The following FBN2 variants were observed in gnomAD, a reference collection of about 807,000 sequenced individuals.
FBN2 encodes the protein fibrillin 2.
FBN2 carries 105 observed loss-of-function variants against 355.6 expected under a neutral mutation model. The ratio of observed to expected loss-of-function variants is 0.30; its 90% CI spans 0.25 to 0.35. The LOEUF (loss-of-function observed/expected upper bound fraction) is 0.35, where lower values mean the gene tolerates loss of function less well. FBN2 is among the 10% of genes least tolerant of loss of function. The pLI, the probability that FBN2 is intolerant of heterozygous loss-of-function variation, is 1.00. For missense variants in FBN2, 3,280 were observed against 3,758.7 expected, an observed-to-expected ratio of 0.87 and a Z score of 3.33; for synonymous variants, 1,350 against 1,301.2, an observed-to-expected ratio of 1.04 and a Z score of -0.81.
intron 59 of FBN2, among the ~76,000 whole-genome samples, chr5:128,275,585 AT>A (rs1765373497): frequency 6.6e-6 from 1 of 152,118 alleles, no homozygotes; most frequent in Non-Finnish European, 1.5e-5. Context: ...TATTGAAACT[AT>A]TTTAATGATC....
intron 4 of FBN2, 138 bp downstream of exon 4, chr5:128,527,734 G>T: frequency 1.5e-6 from 1 of 647,444 alleles, no homozygotes. Context: ...ATAAAAATTA[G>T]AAATTCAGTT....
chr5:128,310,382 ATATATATATATATATATATAT>A (rs1180620720), intron 39 of FBN2, among the ~76,000 whole-genome samples: 1 of 12,780 alleles, frequency 7.8e-5, no homozygotes, highest in South Asian at 2.7e-3. Flanking sequence ...ATATATATAT[ATATATATATATATATATATAT>A]TTTTTTTTTT....
At chr5:128,326,644 A>G (rs966543581) in intron 34 of FBN2, among the ~76,000 whole-genome samples, 3 of 152,238 alleles carry the variant, frequency 2.0e-5, no homozygotes, top group Non-Finnish European at 2.9e-5. Context: ...GAAACTGTCC[A>G]GATGACCCAG....
chr5:128,278,631 T>C lies in FBN2; in HGVS notation c.7345+4A>G, dbSNP rs766046658. On this transcript the variant is annotated splice_donor_region_variant and intron_variant, in intron 57 of 64. Coordinates refer to ENST00000262464, the MANE Select transcript of FBN2 (RefSeq NM_001999.4). ...TATATGAATAAATTTCCTCAACTCC[T>C]TACCTCTTCCATCAGTTGTATATCC... 1 of 1,613,186 alleles carries C rather than the reference T, an allele frequency of 6.2e-7. No individual in the cohort carries two copies. Among genetic ancestry groups the C allele is most frequent in the Non-Finnish European group, 8.5e-7 (1 of 1,179,126 alleles).
rs370312107 is a variant in FBN2 at position 128,350,940 on chromosome 5, C to T, written c.2740G>A (p.Ala914Thr). ...GCACAGCATTCAGATTTCAGAGTGG[C>T]TCCATTAATATTCACCTCACAGCGG... ...DSRCEVNINGATLKSECCATL... is the reference protein window; with the variant it reads ...DSRCEVNINGTTLKSECCATL... Residue 914 changes from alanine (A) to threonine (T), a missense_variant, in exon 21 of 65, where the codon GCC becomes ACC. Physicochemically the swap from Ala to Thr is moderately conservative, Grantham distance 58. Around this residue, in one of 6 missense-constraint regions of FBN2, gnomAD observed 2,284 missense variants for 2,749.5 expected, o/e 0.83. Coordinates refer to ENST00000262464, the MANE Select transcript of FBN2 (RefSeq NM_001999.4). The T allele has an allele frequency of 2.3e-5, 37 of 1,614,040 alleles. No individual in the cohort carries two copies. The highest frequency in any genetic ancestry group is 2.9e-5 in the Non-Finnish European group (34 of 1,180,036).
At chr5:128,372,017 A>T (rs900301480) in intron 15 of FBN2, among the ~76,000 whole-genome samples, 5 of 152,184 alleles carry the variant, frequency 3.3e-5, no homozygotes, top group Non-Finnish European at 5.9e-5. Context: ...TAGATATGAT[A>T]CCACTATTCT....
At chr5:128,384,537 T>A (rs1437543929) in intron 11 of FBN2, among the ~76,000 whole-genome samples, 2 of 152,164 alleles carry the variant, frequency 1.3e-5, no homozygotes, top group African/African-American at 4.8e-5. Context: ...TATGGTCTTG[T>A]CTTCTTGGGC....
intron 58 of FBN2, among the ~76,000 whole-genome samples, chr5:128,277,529 A>C (rs1249644974): frequency 6.6e-6 from 1 of 152,218 alleles, no homozygotes; most frequent in Non-Finnish European, 1.5e-5. Context: ...TGTGCACTTT[A>C]AATTTTAAAT....
rs863223561 is a variant in FBN2, at chr5:128,345,517, C to G, written c.3057G>C (p.Lys1019Asn). Residue 1019 changes from lysine to asparagine, a missense_variant, in exon 24 of 65, where the codon AAG becomes AAC. Physicochemically the swap from Lys to Asn is moderately conservative, Grantham distance 94. Around this residue, in one of 6 missense-constraint regions of FBN2, gnomAD observed 2,284 missense variants for 2,749.5 expected, o/e 0.83. Transcript: ENST00000262464. ...CACAGCAGCAGGCATCCATGCGGAA[C>G]TTTCCAGGAACGGGGTGGATGCATT... ...EDECIHPVPG[K>N]FRMDACCCAV... is the part of the protein sequence containing the mutation. 4 of 1,614,222 alleles carry G rather than the reference C, an allele frequency of 2.5e-6. No individual in the cohort carries two copies. The highest frequency in any genetic ancestry group is 3.4e-6 in the Non-Finnish European group (4 of 1,180,040).
At position 128,338,056 on chromosome 5, in the gene FBN2, C is replaced by G. The variant is rs747553118; in HGVS notation, c.3539G>C (p.Ser1180Thr). ...RGGTCVNTEGSFQCDCPLGHE... is the reference protein window; with the variant it reads ...RGGTCVNTEGTFQCDCPLGHE... The stretch of plus-strand genomic sequence containing the variant: ...TCCCAGTGGGCAGTCACACTGAAAG[C>G]TGCCCTCAGTGTTCACACAGGTGCC... Residue 1180 changes from serine to threonine, a missense_variant, in exon 27 of 65, where the codon AGC (serine) becomes ACC (threonine). Physicochemically the swap from Ser to Thr is moderately conservative, Grantham distance 58. Transcript: ENST00000262464. 17 of 1,614,132 alleles carry G rather than the reference C, an allele frequency of 1.1e-5. No homozygotes were observed. In the South Asian group the frequency reaches 1.4e-4, roughly 14 times the overall value.
chr5:128,307,330 T>C (rs957125669), intron 41 of FBN2, 127 bp from the exon 42 acceptor site: 1 of 702,516 alleles, frequency 1.4e-6, no homozygotes, highest in Non-Finnish European at 2.6e-6. Flanking sequence ...ATTTCAATTA[T>C]ATTTATTTGA....
At chr5:128,515,571 G>C (rs887579994) in intron 5 of FBN2, among the ~76,000 whole-genome samples, 1 of 152,104 alleles carries the variant, frequency 6.6e-6, no homozygotes, top group East Asian at 1.9e-4. Context: ...CTGGGTTCAC[G>C]CATTAGGTCT....
chr5:128,424,853 A>T (rs930160066), intron 7 of FBN2, among the ~76,000 whole-genome samples: 4 of 152,190 alleles, frequency 2.6e-5, no homozygotes, highest in African/African-American at 7.2e-5. Context: ...TTTTAACATT[A>T]TAACAGTCTG....
At chr5:128,515,426 A>G (rs1223625481) in intron 5 of FBN2, among the ~76,000 whole-genome samples, 1 of 152,138 alleles carries the variant, frequency 6.6e-6, no homozygotes, top group East Asian at 1.9e-4. Context: ...ACAGCAGCAG[A>G]ATAATGCAGA....
chr5:128,392,425 T>A (rs2126977793), intron 10 of FBN2, among the ~76,000 whole-genome samples: 2 of 152,342 alleles, frequency 1.3e-5, no homozygotes, highest in East Asian at 3.9e-4. Context: ...TACGTTTGAG[T>A]GCTTTCCGTT....
At chr5:128,445,776 C>G (rs145918006) in intron 7 of FBN2, among the ~76,000 whole-genome samples, 1 of 152,030 alleles carries the variant, frequency 6.6e-6, no homozygotes, top group Admixed American at 6.6e-5. Context: ...ATCATTGAAG[C>G]CACATGCACT....
Position 128,312,787 on chromosome 5 carries a change from C to A in FBN2, c.4726G>T (p.Val1576Leu), listed in dbSNP as rs1428775284. Residue 1576 changes from valine (V) to leucine (L), a missense_variant, in exon 37 of 65, where the codon GTG becomes TTG. Around this residue, in one of 6 missense-constraint regions of FBN2, gnomAD observed 2,284 missense variants for 2,749.5 expected, o/e 0.83. Transcript: ENST00000262464. ...CCAAACTTCAGGTAGCAGTTGCCCACACGGTTGTCTGCAGAGCAACAAAGG... is the reference window on the plus strand; with the variant it reads ...CCAAACTTCAGGTAGCAGTTGCCCAAACGGTTGTCTGCAGAGCAACAAAGG... The part of the protein sequence containing the change: ...PTGVGCVDNR[V>L]GNCYLKFGPR... 2 of 1,613,708 alleles carry A rather than the reference C, an allele frequency of 1.2e-6. No individual in the cohort carries two copies. Among genetic ancestry groups the A allele is most frequent in the Non-Finnish European group, 1.7e-6 (2 of 1,180,002 alleles).
chr5:128,488,609 T>C (rs1333191604), intron 5 of FBN2, among the ~76,000 whole-genome samples: 1 of 152,112 alleles, frequency 6.6e-6, no homozygotes, highest in African/African-American at 2.4e-5. Context: ...CATTAACTCG[T>C]CATTTAGCAT....
At chr5:128,291,452 A>T in intron 49 of FBN2, 77 bp downstream of exon 49, 2 of 1,520,164 alleles carry the variant, frequency 1.3e-6, no homozygotes, top group East Asian at 2.3e-5. Context: ...TAGGACTAAT[A>T]CCAGCATGAT....
Sources: gnomAD v4.1 joint callset for allele counts (sites outside exome capture counted in the v4.1 genomes callset) on GRCh38, gnomAD v4.1.1 for gene constraint, gnomAD v4.1.1 regional missense constraint, MANE v1.5 for transcripts, NCBI Gene and HGNC (gene_info 2026-07-23, HGNC 2026-07-21) for gene names.